Variants in PCDH9 observed in about 807,000 individuals in gnomAD.
The protein encoded by PCDH9 is protocadherin-9.
Under a neutral mutation model 70.6 loss-of-function variants are expected in PCDH9, and 24 were observed. The ratio of observed to expected loss-of-function variants is 0.34; its 90% CI spans 0.25 to 0.48. The LOEUF is 0.48. Among genes scored for constraint, PCDH9 ranks in the 20% least tolerant of loss-of-function variants. PCDH9 has a pLI of 0.99. For synonymous variants in PCDH9, 562 were observed against 558.5 expected, an observed-to-expected ratio of 1.01 and a Z score of -0.09; for missense variants, 1,281 against 1,503.6, an observed-to-expected ratio of 0.85 and a Z score of 2.45.
At chr13:67,103,358 C>T (rs1372648597) in intron 2 of PCDH9, among the ~76,000 whole-genome samples, 1 of 152,244 alleles carries the variant, frequency 6.6e-6, no homozygotes, top group East Asian at 1.9e-4. Context: ...TTGATATAAA[C>T]TGAAAGGCTT....
intron 3 of PCDH9, among the ~76,000 whole-genome samples, chr13:66,672,666 A>T (rs896846496): frequency 1.3e-5 from 2 of 152,154 alleles, no homozygotes; most frequent in Non-Finnish European, 2.9e-5. Flanking sequence ...GGGGGGCTGT[A>T]CTCTGCAAAG....
intron 4 of PCDH9, among the ~76,000 whole-genome samples, chr13:66,430,735 G>C (rs951830391): frequency 2.6e-5 from 4 of 151,982 alleles, no homozygotes; most frequent in Admixed American, 6.6e-5. Flanking sequence ...ATATTGCACT[G>C]AATTAAAGGG....
At chr13:66,833,809 G>T (rs2080968680) in intron 3 of PCDH9, among the ~76,000 whole-genome samples, 1 of 152,148 alleles carries the variant, frequency 6.6e-6, no homozygotes, top group South Asian at 2.1e-4. Context: ...AGAGGACGAA[G>T]AAACCAGTTT....
At chr13:66,596,428 A>G (rs2077103502) in intron 4 of PCDH9, among the ~76,000 whole-genome samples, 1 of 151,752 alleles carries the variant, frequency 6.6e-6, no homozygotes, top group African/African-American at 2.4e-5. Context: ...GTGTGCATAT[A>G]AATGCATATT....
chr13:67,214,935 G>GATATATATATATATATATAT (rs66460017), intron 2 of PCDH9: 1,904 of 89,062 alleles, frequency 0.021, 576 homozygotes, highest in Middle Eastern at 0.045. Context: ...TTGCGAGCCA[G>GATATATATATATATATATAT]ATATATATAT....
intron 4 of PCDH9, among the ~76,000 whole-genome samples, chr13:66,610,925 CT>C (rs2077286957): frequency 6.6e-6 from 1 of 152,080 alleles, no homozygotes; most frequent in Non-Finnish European, 1.5e-5. Context: ...TGTGCATAGT[CT>C]AAGACTCCAT....
intron 3 of PCDH9, among the ~76,000 whole-genome samples, chr13:66,880,871 T>C (rs930952464): frequency 7.2e-5 from 11 of 152,232 alleles, no homozygotes; most frequent in African/African-American, 1.7e-4. Flanking sequence ...TCTGATAATA[T>C]TGAGTGTGAT....
rs554716336 is a variant in PCDH9, at chr13:66,969,071, C to T, written c.3037-65466G>A. Among the ~76,000 whole-genome samples the T allele has an allele frequency of 2.6e-5, 4 of 152,140 alleles. No homozygotes were observed. The South Asian group carries it at 8.3e-4, about 32-fold the overall frequency. ...AGAGGAAAGACTGTCAAAAGCCATA[C>T]TGGCATTGCTAATTTATTTCTTAGC... On this transcript the variant is annotated intron_variant, in intron 2 of 4. Coordinates refer to ENST00000377865, the MANE Select transcript of PCDH9 (RefSeq NM_203487.3).
chr13:66,887,004 C>CTCTCTAATT (rs1392110554), intron 3 of PCDH9, among the ~76,000 whole-genome samples: 10 of 150,646 alleles, frequency 6.6e-5, no homozygotes, highest in African/African-American at 2.5e-4. Context: ...TGTTCTCTCT[C>CTCTCTAATT]TCTCTAATTC....
At chr13:66,983,750 AG>A (rs2083826831) in intron 2 of PCDH9, among the ~76,000 whole-genome samples, 1 of 152,044 alleles carries the variant, frequency 6.6e-6, no homozygotes, top group South Asian at 2.1e-4. Context: ...CTCATTGCAC[AG>A]GGGTTTGTTA....
chr13:66,828,983 A>G (rs1012214016), intron 3 of PCDH9, among the ~76,000 whole-genome samples: 2 of 151,466 alleles, frequency 1.3e-5, no homozygotes, highest in African/African-American at 4.8e-5. Flanking sequence ...TAATGGCATT[A>G]TTGAAAAAGA....
chr13:66,549,158 A>AAT (rs1961353967), intron 4 of PCDH9, among the ~76,000 whole-genome samples: 1 of 152,128 alleles, frequency 6.6e-6, no homozygotes, highest in African/African-American at 2.4e-5. Context: ...ACGTACACAA[A>AAT]ATATATACAT....
chr13:66,731,891 T>C (rs1165674438), intron 3 of PCDH9, among the ~76,000 whole-genome samples: 1 of 152,052 alleles, frequency 6.6e-6, no homozygotes, highest in Non-Finnish European at 1.5e-5. Context: ...ACAAATAGAC[T>C]CTGCTATATT....
At chr13:66,936,603 A>T (rs192832693) in intron 2 of PCDH9, among the ~76,000 whole-genome samples, 1 of 152,204 alleles carries the variant, frequency 6.6e-6, no homozygotes, top group Non-Finnish European at 1.5e-5. Context: ...ATCTCTTTAC[A>T]TAGGCATAGG....
intron 3 of PCDH9, among the ~76,000 whole-genome samples, chr13:66,816,252 T>A (rs2080602959): frequency 6.6e-6 from 1 of 152,154 alleles, no homozygotes; most frequent in African/African-American, 2.4e-5. Context: ...GAATGGAACA[T>A]AAATAACTGC....
intron 2 of PCDH9, among the ~76,000 whole-genome samples, chr13:66,942,704 T>C (rs1714643420): frequency 6.6e-6 from 1 of 152,072 alleles, no homozygotes; most frequent in Non-Finnish European, 1.5e-5. Flanking sequence ...AAATCATCCT[T>C]ATCCTTTCAA....
intron 2 of PCDH9, among the ~76,000 whole-genome samples, chr13:67,059,275 T>C (rs557081690): frequency 6.6e-6 from 1 of 150,772 alleles, no homozygotes; most frequent in African/African-American, 2.4e-5. Flanking sequence ...AAGCACAAAG[T>C]TCATGATCTC....
At chr13:67,009,555 A>C (rs1013714736) in intron 2 of PCDH9, among the ~76,000 whole-genome samples, 1 of 151,992 alleles carries the variant, frequency 6.6e-6, no homozygotes, top group African/African-American at 2.4e-5. Context: ...TTGATCTCCA[A>C]GTATGTTAAA....
chr13:67,074,129 T>C (rs1226246702), intron 2 of PCDH9, among the ~76,000 whole-genome samples: 1 of 151,580 alleles, frequency 6.6e-6, no homozygotes, highest in Non-Finnish European at 1.5e-5. Flanking sequence ...TATCTGTCTA[T>C]CTATCTATCT....
Sources: allele counts gnomAD v4.1 joint callset (sites outside exome capture counted in the v4.1 genomes callset), GRCh38; gene constraint gnomAD v4.1.1; transcripts MANE v1.5; gene names NCBI Gene and HGNC (gene_info 2026-07-23, HGNC 2026-07-21).